Variants in CHST8 observed in about 807,000 individuals in gnomAD.
CHST8 encodes the protein carbohydrate sulfotransferase 8.
Under a neutral mutation model 15.0 loss-of-function variants are expected in CHST8, and 10 were observed. The ratio of observed to expected loss-of-function variants is 0.67; its 90% CI spans 0.41 to 1.13. The LOEUF (loss-of-function observed/expected upper bound fraction) is 1.13. CHST8 is among the 50% of genes most tolerant of loss of function. CHST8 has a pLI of 0.00. For missense variants in CHST8, 634 were observed against 608.2 expected, an observed-to-expected ratio of 1.04 and a Z score of -0.45; for synonymous variants, 259 against 256.6, an observed-to-expected ratio of 1.01 and a Z score of -0.09.
At chr19:33,690,311 A>G (rs1376859103) in intron 3 of CHST8, among the ~76,000 whole-genome samples, 1 of 152,184 alleles carries the variant, frequency 6.6e-6, no homozygotes, top group African/African-American at 2.4e-5. Flanking sequence ...ATCCAGAGAC[A>G]GGATGAAAGA....
chr19:33,693,419 A>G (rs1305968927), intron 3 of CHST8, among the ~76,000 whole-genome samples: 1 of 152,202 alleles, frequency 6.6e-6, no homozygotes, highest in Non-Finnish European at 1.5e-5. Context: ...CCTCAATAGC[A>G]TCAAATAGTC....
At chr19:33,622,802 G>T (rs1266358919) in intron 1 of CHST8, among the ~76,000 whole-genome samples, 1 of 152,182 alleles carries the variant, frequency 6.6e-6, no homozygotes, top group Non-Finnish European at 1.5e-5. Context: ...CGGCTCCGTC[G>T]CGCGCGTCCC....
intron 2 of CHST8, among the ~76,000 whole-genome samples, chr19:33,669,983 G>A (rs1972715600): frequency 6.6e-6 from 1 of 152,164 alleles, no homozygotes; most frequent in Non-Finnish European, 1.5e-5. Flanking sequence ...CTTCCATTAA[G>A]GGTGTTCCAG....
At chr19:33,650,641 C>T (rs1038491343) in intron 1 of CHST8, among the ~76,000 whole-genome samples, 30 of 146,180 alleles carry the variant, frequency 2.1e-4, no homozygotes, top group African/African-American at 4.3e-4. Context: ...AAACCATTCT[C>T]GTGCCTCAGC....
chr19:33,757,556 G>GAA (rs1232853804), intron 3 of CHST8, among the ~76,000 whole-genome samples: 1 of 124,446 alleles, frequency 8.0e-6, no homozygotes, highest in Admixed American at 7.9e-5. Context: ...AAGAAAGAAA[G>GAA]AAAGAAAGAA....
intron 3 of CHST8, among the ~76,000 whole-genome samples, chr19:33,693,714 G>A (rs1004200460): frequency 6.6e-6 from 1 of 152,070 alleles, no homozygotes; most frequent in Admixed American, 6.5e-5. Flanking sequence ...AATAAATTAG[G>A]TGAATCTTGA....
rs370987652 is a variant in CHST8 at position 33,670,883 on chromosome 19, A to C, written c.-87+3040A>C. Among the ~76,000 whole-genome samples, 416 of 152,270 alleles carry C rather than the reference A, an allele frequency of 2.7e-3. 5 individuals are homozygous for C. The highest frequency in any genetic ancestry group is 9.5e-3 in the African/African-American group (395 of 41,564). ...CATTTTGTCCTCGTAATAATCTTGC[A>C]AGGTAGCCACAAGAGATTATTACTC... On this transcript the variant is annotated intron_variant, in intron 2 of 4. Transcript: ENST00000650847.
chr19:33,756,944 G>T (rs1974558018), intron 3 of CHST8, among the ~76,000 whole-genome samples: 5 of 152,202 alleles, frequency 3.3e-5, no homozygotes, highest in Admixed American at 2.6e-4. Flanking sequence ...TGGTATGGGG[G>T]TGTGGAGGCA....
intron 3 of CHST8, among the ~76,000 whole-genome samples, chr19:33,757,452 A>G (rs576601198): frequency 0.05 from 1,634 of 32,366 alleles, 119 homozygotes; most frequent in Non-Finnish European, 0.072. Flanking sequence ...GAAAGAAAGA[A>G]AGAAAGAAAG....
chr19:33,731,565 G>T (rs776992044), intron 3 of CHST8, among the ~76,000 whole-genome samples: 1 of 152,174 alleles, frequency 6.6e-6, no homozygotes, highest in Non-Finnish European at 1.5e-5. Context: ...TATCAGCAAG[G>T]TCTTTGTGAC....
At position 33,717,566 on chromosome 19, in the gene CHST8, G is replaced by T. The variant is rs543585216; in HGVS notation, c.130+28175G>T. Among the ~76,000 whole-genome samples the T allele has an allele frequency of 5.8e-4, 88 of 152,202 alleles. 1 individual carries two copies. The highest frequency in any genetic ancestry group is 3.1e-3 in the South Asian group (15 of 4,800). ...CCTTTATGCGTTTATTTAATCCAGG[G>T]GTGGAATATTCATGAAAATTCCTGG... is the stretch of plus-strand genomic sequence containing the variant. On this transcript the variant is annotated intron_variant, in intron 3 of 4. Transcript: ENST00000650847.
intron 3 of CHST8, among the ~76,000 whole-genome samples, chr19:33,694,320 A>G (rs939951450): frequency 1.7e-4 from 25 of 150,262 alleles, no homozygotes; most frequent in African/African-American, 6.1e-4. Context: ...GGGCTACCCC[A>G]TGTTTCAGAG....
At chr19:33,750,209 G>T (rs370788522) in intron 3 of CHST8, among the ~76,000 whole-genome samples, 3 of 152,220 alleles carry the variant, frequency 2.0e-5, no homozygotes, top group Admixed American at 6.5e-5. Context: ...AGTTAAGCAG[G>T]GTCAGCAGGG....
chr19:33,636,372 C>CT (rs1369333384), intron 1 of CHST8, among the ~76,000 whole-genome samples: 5 of 152,110 alleles, frequency 3.3e-5, no homozygotes, highest in South Asian at 2.1e-4. Context: ...TCGCCCTTGC[C>CT]TTGACTCGTA....
intron 3 of CHST8, among the ~76,000 whole-genome samples, chr19:33,701,874 G>A (rs964147058): frequency 1.3e-5 from 2 of 152,172 alleles, no homozygotes; most frequent in Admixed American, 1.3e-4. Flanking sequence ...AAGCCTGCGT[G>A]GCTCAGCCAG....
Position 33,763,373 on chromosome 19 carries a change from G to A in CHST8, c.131-8040G>A, listed in dbSNP as rs115645266. On this transcript the variant is annotated intron_variant, in intron 3 of 4. Coordinates refer to ENST00000650847, the MANE Select transcript of CHST8 (RefSeq NM_001127895.2). ...AGCTGGAGGAGAGAGGCCAATACAT[G>A]ACCAGTCTGATGCAGCTCTCCAGTG... 2.1e-3 allele frequency among the ~76,000 whole-genome samples: 317 copies of A among 152,288 alleles called. 1 individual carries two copies. Among genetic ancestry groups the A allele is most frequent in the African/African-American group, 7.5e-3 (310 of 41,544 alleles).
chr19:33,718,797 C>T (rs1361968498), intron 3 of CHST8, among the ~76,000 whole-genome samples: 1 of 152,334 alleles, frequency 6.6e-6, no homozygotes, highest in Middle Eastern at 3.4e-3. Context: ...GCTCAGCCAG[C>T]ATGAGGCTGG....
At position 33,757,470 on chromosome 19, in the gene CHST8, GAAAGAAAGAAA is replaced by G. The variant is rs1974592824; in HGVS notation, c.131-13942_131-13932del. ...AGAAAGAAAGAAAGAAAGAAAGAAAGAAAGAAAGAAAGAAAGAAAGAAAGAAAGAAAGAAAG... is the reference window on the plus strand; with the variant it reads ...AGAAAGAAAGAAAGAAAGAAAGAAAGGAAAGAAAGAAAGAAAGAAAGAAAG... On this transcript the variant is annotated intron_variant, in intron 3 of 4. Transcript: ENST00000650847. Among the ~76,000 whole-genome samples the G allele has an allele frequency of 1.9e-4, 8 of 41,748 alleles. 2 individuals are homozygous for G. Among genetic ancestry groups the G allele is most frequent in the Non-Finnish European group, 2.9e-4 (6 of 20,598 alleles). 27.4% of individuals were successfully genotyped at this position (41,748 alleles called of 152,430 possible). A position where few individuals can be genotyped will look rare whatever the true frequency, so the allele number is the denominator to read the frequency against.
chr19:33,745,746 G>A (rs377679378), intron 3 of CHST8, among the ~76,000 whole-genome samples: 3 of 152,184 alleles, frequency 2.0e-5, no homozygotes, highest in Non-Finnish European at 4.4e-5. Flanking sequence ...GATGCAAGGG[G>A]GCTGTGCCTT....
Sources: allele counts gnomAD v4.1 joint callset (sites outside exome capture counted in the v4.1 genomes callset), GRCh38; gene constraint gnomAD v4.1.1; transcripts MANE v1.5; gene names NCBI Gene and HGNC (gene_info 2026-07-23, HGNC 2026-07-21).